DLGAP2: variants seen among roughly 807,000 people sequenced by gnomAD.
DLGAP2 encodes DLG associated protein 2, also known as disks large-associated protein 2.
In DLGAP2, 26 loss-of-function variants were observed where a neutral mutation model predicts 100.3. That is an observed-to-expected ratio of 0.26 (90% CI 0.19 to 0.36). DLGAP2 has a LOEUF of 0.36. Among genes scored for constraint, DLGAP2 ranks in the 10% least tolerant of loss-of-function variants. The pLI, the probability that DLGAP2 is intolerant of heterozygous loss-of-function variation, is 1.00. For missense variants in DLGAP2, 1,858 were observed against 1,453.2 expected (o/e 1.28, Z -4.53); for synonymous variants, 886 against 630.1 (o/e 1.41, Z -6.08).
chr8:1,376,342 G>A (rs1381839722), intron 3 of DLGAP2, among the ~76,000 whole-genome samples: 1 of 152,348 alleles, frequency 6.6e-6, no homozygotes. Context: ...CCTGTGCACC[G>A]CAGTCCCTCT....
At chr8:989,093 C>A (rs1426711656) in intron 2 of DLGAP2, among the ~76,000 whole-genome samples, 1 of 152,212 alleles carries the variant, frequency 6.6e-6, no homozygotes, top group Non-Finnish European at 1.5e-5. Context: ...TCTAGTCAGC[C>A]TCCATTGTGA....
chr8:1,174,502 C>G (rs1187122435), intron 2 of DLGAP2, among the ~76,000 whole-genome samples: 1 of 151,968 alleles, frequency 6.6e-6, no homozygotes, highest in Non-Finnish European at 1.5e-5. Context: ...TTACCATCAT[C>G]AAAGTCATTA....
intron 3 of DLGAP2, among the ~76,000 whole-genome samples, chr8:1,477,046 A>G (rs1297520968): frequency 1.4e-5 from 2 of 143,244 alleles, no homozygotes; most frequent in South Asian, 2.8e-4. Context: ...TCATTCCTTC[A>G]GAGCAAAGCC....
At chr8:1,260,510 A>T (rs1211766261) in intron 3 of DLGAP2, among the ~76,000 whole-genome samples, 1 of 152,228 alleles carries the variant, frequency 6.6e-6, no homozygotes, top group East Asian at 1.9e-4. Context: ...GTTTTTTCCC[A>T]GTAAATCTGA....
At chr8:1,578,149 T>C (rs1425955795) in intron 6 of DLGAP2, among the ~76,000 whole-genome samples, 1 of 152,226 alleles carries the variant, frequency 6.6e-6, no homozygotes, top group African/African-American at 2.4e-5. Flanking sequence ...CAGCAGGAGC[T>C]GACTGACAAA....
intron 4 of DLGAP2, among the ~76,000 whole-genome samples, chr8:1,543,234 T>C (rs1801422912): frequency 6.6e-6 from 1 of 152,254 alleles, no homozygotes. Flanking sequence ...TATTTTTTCC[T>C]GTGCTTTGGT....
At chr8:868,768 A>G (rs924159259) in intron 1 of DLGAP2, among the ~76,000 whole-genome samples, 2 of 152,122 alleles carry the variant, frequency 1.3e-5, no homozygotes, top group South Asian at 4.2e-4. Context: ...TTCCCTCTTC[A>G]GGTGGATCAC....
intron 2 of DLGAP2, among the ~76,000 whole-genome samples, chr8:1,108,088 A>G (rs1305562160): frequency 6.6e-6 from 1 of 152,164 alleles, no homozygotes; most frequent in Non-Finnish European, 1.5e-5. Flanking sequence ...TCCTAATTTC[A>G]GCTTGTTTTT....
intron 1 of DLGAP2, among the ~76,000 whole-genome samples, chr8:808,890 A>G (rs1448541763): frequency 6.8e-6 from 1 of 148,038 alleles, no homozygotes; most frequent in Non-Finnish European, 1.5e-5. Flanking sequence ...ATTGGATGAT[A>G]ATTGCTGTTG....
chr8:846,000 A>G (rs931328877), intron 1 of DLGAP2, among the ~76,000 whole-genome samples: 4 of 152,176 alleles, frequency 2.6e-5, no homozygotes, highest in Admixed American at 2.0e-4. Flanking sequence ...AACGTTTGTT[A>G]TTTGTGTTTG....
intron 1 of DLGAP2, among the ~76,000 whole-genome samples, chr8:845,043 T>C (rs1797048661): frequency 6.6e-6 from 1 of 152,264 alleles, no homozygotes; most frequent in Non-Finnish European, 1.5e-5. Context: ...TGTACAGATA[T>C]ACCACATTTT....
chr8:1,513,664 C>T (rs1466619783), intron 4 of DLGAP2, among the ~76,000 whole-genome samples: 1 of 152,210 alleles, frequency 6.6e-6, no homozygotes, highest in Non-Finnish European at 1.5e-5. Flanking sequence ...TCGTTGGGAA[C>T]TGCAGCTTTT....
chr8:941,472 C>T (rs1201126331), intron 2 of DLGAP2, among the ~76,000 whole-genome samples: 1 of 152,134 alleles, frequency 6.6e-6, no homozygotes, highest in Non-Finnish European at 1.5e-5. Context: ...ACTCTAGATG[C>T]CACGAGGGCT....
At position 1,267,608 on chromosome 8, in the gene DLGAP2, T is replaced by TAAAATAAAAA. The variant is rs1205109559; in HGVS notation, c.106+8727_106+8728insAATAAAAAAA. Among the ~76,000 whole-genome samples the TAAAATAAAAA allele has an allele frequency of 2.0e-5, 2 of 99,038 alleles. 1 individual carries two copies. The highest frequency in any genetic ancestry group is 3.8e-5 in the Non-Finnish European group (2 of 52,468). 65.0% of individuals were successfully genotyped at this position (99,038 alleles called of 152,430 possible). A position where few individuals can be genotyped will look rare whatever the true frequency, so the allele number is the denominator to read the frequency against. On this transcript the variant is annotated intron_variant, in intron 3 of 14. Coordinates refer to ENST00000637795, the MANE Select transcript of DLGAP2 (RefSeq NM_001346810.2). Reference sequence around the variant, plus strand: ...TAAAATAAGATAAGATAAGATAAGATAAGATAAGATAAGATAAATATTAAA... The same window carrying TAAAATAAAAA: ...TAAAATAAGATAAGATAAGATAAGATAAAATAAAAAAAGATAAGATAAGATAAATATTAAA...
At chr8:1,516,769 G>A (rs949749842) in intron 4 of DLGAP2, among the ~76,000 whole-genome samples, 1 of 152,174 alleles carries the variant, frequency 6.6e-6, no homozygotes, top group African/African-American at 2.4e-5. Context: ...AAGAGTACAC[G>A]AATGAGTGAG....
chr8:1,253,314 G>A (rs888773964), intron 2 of DLGAP2, among the ~76,000 whole-genome samples: 27 of 152,238 alleles, frequency 1.8e-4, no homozygotes, highest in Middle Eastern at 3.4e-3. Flanking sequence ...GAGCTGCCAG[G>A]GCCCCTTTAT....
At chr8:1,599,228 G>A (rs903725089) in intron 6 of DLGAP2, among the ~76,000 whole-genome samples, 1 of 151,988 alleles carries the variant, frequency 6.6e-6, no homozygotes, top group Non-Finnish European at 1.5e-5. Flanking sequence ...TGTGGTCGGA[G>A]AGACTGTTAT....
At chr8:1,194,974 C>T (rs1797718155) in intron 2 of DLGAP2, among the ~76,000 whole-genome samples, 1 of 152,118 alleles carries the variant, frequency 6.6e-6, no homozygotes, top group Admixed American at 6.5e-5. Context: ...AGGGCTGCAC[C>T]CCCTCCGCTC....
chr8:861,303 C>T (rs538105802), intron 1 of DLGAP2, among the ~76,000 whole-genome samples: 5 of 152,236 alleles, frequency 3.3e-5, no homozygotes, highest in Admixed American at 2.6e-4. Context: ...CAGACACTGC[C>T]CCTTTTTATA....
Sources: gnomAD v4.1 joint callset for allele counts (sites outside exome capture counted in the v4.1 genomes callset) on GRCh38, gnomAD v4.1.1 for gene constraint, MANE v1.5 for transcripts, NCBI Gene and HGNC (gene_info 2026-07-23, HGNC 2026-07-21) for gene names.